MCM9: variants seen among roughly 807,000 people sequenced by gnomAD.
MCM9 encodes minichromosome maintenance 9 homologous recombination repair factor, also known as DNA helicase MCM9.
Under a neutral mutation model 72.8 loss-of-function variants are expected in MCM9, and 55 were observed. The ratio of observed to expected loss-of-function variants is 0.76; its 90% CI spans 0.61 to 0.95. The LOEUF is 0.95. Ranked by LOEUF, MCM9 falls within the 40% of genes least tolerant of loss-of-function variation. MCM9 has a pLI of 0.00. For synonymous variants in MCM9, 480 were observed against 503.4 expected, an observed-to-expected ratio of 0.95 and a Z score of 0.62; for missense variants, 1,279 against 1,377.0, an observed-to-expected ratio of 0.93 and a Z score of 1.13.
chr6:118,857,903 T>C (rs1023463311), intron 8 of MCM9, among the ~76,000 whole-genome samples: 1 of 152,158 alleles, frequency 6.6e-6, no homozygotes, highest in African/African-American at 2.4e-5. Context: ...CTGAGATGGC[T>C]TCATAGTGAA....
intron 8 of MCM9, among the ~76,000 whole-genome samples, chr6:118,884,881 A>T (rs894109898): frequency 6.6e-6 from 1 of 152,230 alleles, no homozygotes; most frequent in Non-Finnish European, 1.5e-5. Context: ...AACTAGGCAG[A>T]TCAACAAAGA....
intron 11 of MCM9, among the ~76,000 whole-genome samples, chr6:118,827,646 T>C (rs1336196226): frequency 1.3e-5 from 2 of 152,012 alleles, no homozygotes; most frequent in Non-Finnish European, 2.9e-5. Context: ...AAACAAAATA[T>C]CAGAAGTAAG....
chr6:118,831,454 G>T (rs965599204), intron 9 of MCM9, among the ~76,000 whole-genome samples: 1 of 152,046 alleles, frequency 6.6e-6, no homozygotes, highest in Non-Finnish European at 1.5e-5. Flanking sequence ...GGAAAATACG[G>T]GAGTGGGCAG....
chr6:118,861,991 C>T (rs1162846987), intron 8 of MCM9, among the ~76,000 whole-genome samples: 1 of 152,230 alleles, frequency 6.6e-6, no homozygotes, highest in African/African-American at 2.4e-5. Flanking sequence ...CCCCGACATC[C>T]TCCCTCCCTG....
chr6:118,924,468 A>G (rs1355987010), intron 3 of MCM9, among the ~76,000 whole-genome samples: 3 of 152,326 alleles, frequency 2.0e-5, no homozygotes, highest in African/African-American at 7.2e-5. Flanking sequence ...TATAATTTTA[A>G]CGGCATTTAA....
chr6:118,919,449 T>A (rs1271618289), intron 5 of MCM9: 1 of 152,194 alleles, frequency 6.6e-6, no homozygotes, highest in Non-Finnish European at 1.5e-5. Flanking sequence ...GTACGTAAAT[T>A]ACTTAATGCA....
intron 8 of MCM9, among the ~76,000 whole-genome samples, chr6:118,867,877 T>TCC (rs1353564518): frequency 3.2e-5 from 2 of 62,046 alleles, no homozygotes; most frequent in Admixed American, 2.0e-4. Flanking sequence ...TTTTTTCTTT[T>TCC]TCTTTTTCTT....
chr6:118,886,782 T>C (rs1415460881), intron 8 of MCM9, among the ~76,000 whole-genome samples: 1 of 151,932 alleles, frequency 6.6e-6, no homozygotes, highest in African/African-American at 2.4e-5. Context: ...AGTGAGACCC[T>C]AGTCTCTATG....
At chr6:118,896,685 A>G (rs1197783807) in intron 8 of MCM9, among the ~76,000 whole-genome samples, 2 of 152,206 alleles carry the variant, frequency 1.3e-5, no homozygotes, top group African/African-American at 4.8e-5. Flanking sequence ...GAAGCTGCAA[A>G]GGAATCTTTC....
chr6:118,843,658 G>GTATATATATATATATGTGTA (rs74206505), intron 9 of MCM9, among the ~76,000 whole-genome samples: 243 of 21,570 alleles, frequency 0.011, 9 homozygotes, highest in Middle Eastern at 0.036. Flanking sequence ...ATATATATGT[G>GTATATATATATATATGTGTA]TATATATATA....
rs1336987568 is a variant in MCM9 at position 118,815,541 on chromosome 6, A to G, written c.2715T>C (p.Pro905=). The change falls in exon 14 of 14, where the codon CCT becomes CCC. Residue 905 remains proline (P), a synonymous_variant. Coordinates refer to ENST00000619706, the MANE Select transcript of MCM9 (RefSeq NM_017696.3). ...CTGGAGGCTTAACATTTTCAATTGC[A>G]GGCTCTTCCACTTGCGCAAGGGATT... The part of the protein sequence containing the change: ...RPKSLAQVEE[P]AIENVKPPGS... 4 of 1,548,478 alleles carry G rather than the reference A, an allele frequency of 2.6e-6. No homozygotes were observed. In the African/African-American group the frequency reaches 5.5e-5, roughly 21 times the overall value.
chr6:118,841,716 T>G (rs1775380222), intron 9 of MCM9, among the ~76,000 whole-genome samples: 1 of 152,202 alleles, frequency 6.6e-6, no homozygotes, highest in Non-Finnish European at 1.5e-5. Context: ...CGGTTGTGAA[T>G]GTCTTGAGAA....
intron 8 of MCM9, chr6:118,907,603 G>A (rs545883830): frequency 6.2e-7 from 1 of 1,608,396 alleles, no homozygotes; most frequent in Middle Eastern, 1.7e-4. Context: ...ATCCCACATG[G>A]ACTGCATGTG....
chr6:118,911,372 G>A (rs575704478), intron 8 of MCM9: 6 of 1,133,900 alleles, frequency 5.3e-6, no homozygotes, highest in Non-Finnish European at 5.4e-6. Context: ...AATGCCAGAT[G>A]ATACGGACTT....
chr6:118,846,649 G>C (rs1209792869), intron 9 of MCM9, among the ~76,000 whole-genome samples: 1 of 151,780 alleles, frequency 6.6e-6, no homozygotes, highest in African/African-American at 2.4e-5. Context: ...ATCAGGTGAA[G>C]AAGGAGGCAA....
chr6:118,835,307 T>G (rs750585425), intron 9 of MCM9, among the ~76,000 whole-genome samples: 2 of 152,216 alleles, frequency 1.3e-5, no homozygotes, highest in Non-Finnish European at 2.9e-5. Context: ...TTGTTCTTTT[T>G]GCTTAGGATT....
chr6:118,898,298 T>G (rs183818927), intron 8 of MCM9, among the ~76,000 whole-genome samples: 77 of 152,344 alleles, frequency 5.1e-4, no homozygotes, highest in African/African-American at 1.9e-3. Context: ...AAAATAGGTT[T>G]ATAAATTATG....
At chr6:118,836,401 A>G (rs996048478) in intron 9 of MCM9, among the ~76,000 whole-genome samples, 1 of 152,144 alleles carries the variant, frequency 6.6e-6, no homozygotes, top group African/African-American at 2.4e-5. Flanking sequence ...TATGGTTTGT[A>G]ATAGTTTCAG....
intron 8 of MCM9, among the ~76,000 whole-genome samples, chr6:118,858,089 CT>C (rs1324869815): frequency 1.3e-5 from 2 of 152,046 alleles, no homozygotes; most frequent in Non-Finnish European, 2.9e-5. Context: ...AGACTAGTAC[CT>C]CTAATATGGA....
Sources: gnomAD v4.1 joint callset for allele counts (sites outside exome capture counted in the v4.1 genomes callset) on GRCh38, gnomAD v4.1.1 for gene constraint, MANE v1.5 for transcripts, NCBI Gene and HGNC (gene_info 2026-07-23, HGNC 2026-07-21) for gene names.